CEP295: variants seen among roughly 807,000 people sequenced by gnomAD.
The protein encoded by CEP295 is centrosomal protein 295, also known as centrosomal protein of 295 kDa.
CEP295 carries 190 observed loss-of-function variants against 291.6 expected under a neutral mutation model. That is an observed-to-expected ratio of 0.65 (90% CI 0.58 to 0.73). CEP295 has a LOEUF of 0.73. Among genes scored for constraint, CEP295 ranks in the 30% least tolerant of loss-of-function variants. The pLI is 0.00. For missense variants in CEP295, 2,863 were observed against 2,949.4 expected (o/e 0.97, Z 0.68); for synonymous variants, 993 against 1,038.8 (o/e 0.96, Z 0.85).
intron 22 of CEP295, among the ~76,000 whole-genome samples, chr11:93,725,006 G>C (rs1310926727): frequency 6.6e-6 from 1 of 152,016 alleles, no homozygotes; most frequent in Non-Finnish European, 1.5e-5. Context: ...TGTAATCCCA[G>C]CACTTTGGGA....
At chr11:93,695,709 T>C in intron 13 of CEP295, 75 bp downstream of exon 13, 1 of 1,442,866 alleles carries the variant, frequency 6.9e-7, no homozygotes, top group Non-Finnish European at 9.0e-7. Flanking sequence ...ACTTGTAGCG[T>C]TTAGAAAAGT....
chr11:93,720,185 C>G (rs1358361745), intron 18 of CEP295, among the ~76,000 whole-genome samples: 1 of 151,844 alleles, frequency 6.6e-6, no homozygotes, highest in Non-Finnish European at 1.5e-5. Context: ...TAACAAGACT[C>G]TGTCTCGCCA....
rs1951998742 is a variant in CEP295 at position 93,699,048 on chromosome 11, A to G, written c.4136A>G (p.His1379Arg). The change falls in exon 15 of 30, where the codon CAT (histidine) becomes CGT (arginine). Residue 1379 changes from histidine (H) to arginine (R), a missense_variant. By Grantham distance (29) the His-to-Arg change is conservative (BLOSUM62 0). This residue lies in a region of CEP295 where 2,295 missense variants were observed against 2,335.7 expected (regional missense o/e 0.98). Transcript: ENST00000325212. ...RQEAREELLL[H>R]QSEWEGRISP... ...GAAGCTCGGGAAGAATTACTTTTAC[A>G]TCAGAGTGAATGGGAGGGAAGAATA... is the stretch of plus-strand genomic sequence containing the variant. The G allele has an allele frequency of 6.5e-7, 1 of 1,546,158 alleles. No individual in the cohort carries two copies.
intron 17 of CEP295, among the ~76,000 whole-genome samples, chr11:93,706,311 T>G (rs1437024599): frequency 6.6e-6 from 1 of 152,222 alleles, no homozygotes; most frequent in African/African-American, 2.4e-5. Flanking sequence ...GTTTGTTTCA[T>G]GTAAACACCA....
At chr11:93,714,528 C>A (rs1446528347) in intron 18 of CEP295, among the ~76,000 whole-genome samples, 1 of 152,216 alleles carries the variant, frequency 6.6e-6, no homozygotes, top group Non-Finnish European at 1.5e-5. Flanking sequence ...GGATTACAGG[C>A]GTGAGCCACC....
At chr11:93,721,627 A>C (rs748926473) in intron 19 of CEP295, 12 of 752,392 alleles carry the variant, frequency 1.6e-5, no homozygotes, top group Non-Finnish European at 2.7e-5. Flanking sequence ...TGAGAAGCAA[A>C]ACTATAAAAC....
intron 25 of CEP295, 134 bp from the exon 26 acceptor site, chr11:93,729,300 G>C: frequency 1.5e-6 from 1 of 647,456 alleles, no homozygotes; most frequent in Non-Finnish European, 2.7e-6. Flanking sequence ...GCATGGTGGC[G>C]GGTCTCTGTA....
At chr11:93,664,496 A>T (rs1424754034) in intron 1 of CEP295, among the ~76,000 whole-genome samples, 1 of 152,248 alleles carries the variant, frequency 6.6e-6, no homozygotes, top group African/African-American at 2.4e-5. Context: ...GATGAGTAGG[A>T]TGCATTAAAA....
chr11:93,686,036 C>G (rs756567152), intron 9 of CEP295, among the ~76,000 whole-genome samples: 1 of 150,548 alleles, frequency 6.6e-6, no homozygotes, highest in African/African-American at 2.4e-5. Context: ...GATATTCTTA[C>G]AGCCAGGTGC....
chr11:93,706,046 C>T (rs1203004733), intron 17 of CEP295, among the ~76,000 whole-genome samples: 1 of 152,180 alleles, frequency 6.6e-6, no homozygotes, highest in African/African-American at 2.4e-5. Context: ...GCTTTCTGTG[C>T]CTGATCCCCT....
chr11:93,694,842 A>G (rs1430731110), intron 12 of CEP295, among the ~76,000 whole-genome samples: 1 of 152,236 alleles, frequency 6.6e-6, no homozygotes, highest in Non-Finnish European at 1.5e-5. Context: ...ATTAAACCAC[A>G]AAAGCTAAAT....
Position 93,726,984 on chromosome 11 carries a change from C to G in CEP295, c.6508C>G (p.Gln2170Glu), listed in dbSNP as rs1200548718. 4.0e-6 allele frequency: 6 copies of G among 1,510,402 alleles called. No individual in the cohort carries two copies. Among genetic ancestry groups the G allele is most frequent in the Non-Finnish European group, 5.3e-6 (6 of 1,130,540 alleles). The allele number at this position is 1,510,402 out of a possible 1,614,324, so 93.6% of individuals were successfully genotyped here. A position where few individuals can be genotyped will look rare whatever the true frequency, so the allele number is the denominator to read the frequency against. Reference protein sequence around the residue: ...ATENIIGGSEQCFEQLQPEYS... With the variant: ...ATENIIGGSEECFEQLQPEYS... ...TGAATTTCTTAATGCAGGATCTGAA[C>G]AATGTTTTGAACAGCTTCAGCCAGA... The change falls in exon 24 of 30, where the codon CAA becomes GAA. Residue 2170 changes from glutamine (Q) to glutamate (E), a missense_variant. This residue lies in a region of CEP295 where 2,295 missense variants were observed against 2,335.7 expected (regional missense o/e 0.98). Coordinates refer to ENST00000325212, the MANE Select transcript of CEP295 (RefSeq NM_033395.2).
At chr11:93,687,569 G>C in intron 9 of CEP295, 75 bp from the exon 10 acceptor site, 1 of 773,750 alleles carries the variant, frequency 1.3e-6, no homozygotes, top group Non-Finnish European at 2.0e-6. Flanking sequence ...AGCAGTAACC[G>C]AATATAAGAT....
At chr11:93,681,977 T>C (rs1950997573) in intron 7 of CEP295, among the ~76,000 whole-genome samples, 1 of 152,094 alleles carries the variant, frequency 6.6e-6, no homozygotes. Context: ...TCAGTAAATG[T>C]TAGTGGTAGT....
At chr11:93,681,675 A>G (rs1346107998) in intron 7 of CEP295, among the ~76,000 whole-genome samples, 1 of 151,614 alleles carries the variant, frequency 6.6e-6, no homozygotes, top group Non-Finnish European at 1.5e-5. Flanking sequence ...CAGCCTCCCA[A>G]ATTGCTGGGA....
At chr11:93,692,238 A>G (rs969880803) in intron 12 of CEP295, among the ~76,000 whole-genome samples, 3 of 152,060 alleles carry the variant, frequency 2.0e-5, no homozygotes, top group African/African-American at 2.4e-5. Flanking sequence ...TTTATATTTT[A>G]TATATTTGTA....
intron 1 of CEP295, among the ~76,000 whole-genome samples, chr11:93,665,223 A>G (rs1950153500): frequency 6.6e-6 from 1 of 152,230 alleles, no homozygotes. Flanking sequence ...TACTCATGTA[A>G]AGTGTCTAAT....
chr11:93,679,494 G>T lies in CEP295; in HGVS notation c.707G>T (p.Arg236Leu), dbSNP rs1208737675. 2 of 1,551,418 alleles carry T rather than the reference G, an allele frequency of 1.3e-6. No homozygotes were observed. The highest frequency in any genetic ancestry group is 2.0e-5 in the Admixed American group (1 of 51,000). ...CAGGCAGCACAAGAGAGAATGGAAC[G>T]GTTTGAAAAGGCACATGTACGGGGA... ...QKQAAQERME[R>L]FEKAHVRGFQ... Residue 236 changes from arginine to leucine, a missense_variant, in exon 7 of 30, where the codon CGG becomes CTG. Physicochemically the swap from Arg to Leu is moderately radical, Grantham distance 102. Transcript: ENST00000325212.
At chr11:93,675,928 T>C (rs1332669032) in intron 6 of CEP295, among the ~76,000 whole-genome samples, 1 of 152,058 alleles carries the variant, frequency 6.6e-6, no homozygotes, top group East Asian at 1.9e-4. Flanking sequence ...AAATATTACA[T>C]GCTATTTGTG....
Sources: gnomAD v4.1 joint callset for allele counts (sites outside exome capture counted in the v4.1 genomes callset) on GRCh38, gnomAD v4.1.1 for gene constraint, gnomAD v4.1.1 regional missense constraint, MANE v1.5 for transcripts, NCBI Gene and HGNC (gene_info 2026-07-23, HGNC 2026-07-21) for gene names.